Variants in BTBD3 observed in about 807,000 individuals in gnomAD.
The protein encoded by BTBD3 is BTB/POZ domain-containing protein 3.
A neutral mutation model predicts 41.6 loss-of-function variants in BTBD3; 14 were observed. That is an observed-to-expected ratio of 0.34 (90% CI 0.22 to 0.53). The LOEUF (loss-of-function observed/expected upper bound fraction) is 0.53. Ranked by LOEUF, BTBD3 falls within the 20% of genes least tolerant of loss-of-function variation. BTBD3 has a pLI of 0.95. For missense variants in BTBD3, 426 were observed against 654.7 expected (o/e 0.65, Z 3.81); for synonymous variants, 249 against 233.7 (o/e 1.07, Z -0.60).
chr20:11,911,578 G>GAA (rs201482646), intron 1 of BTBD3, among the ~76,000 whole-genome samples: 3 of 151,578 alleles, frequency 2.0e-5, no homozygotes, highest in African/African-American at 7.3e-5. Context: ...AAAAATTGCA[G>GAA]AAAAAAAAAA....
intron 1 of BTBD3, among the ~76,000 whole-genome samples, chr20:11,900,999 C>T (rs1024442954): frequency 6.6e-6 from 1 of 152,128 alleles, no homozygotes; most frequent in African/African-American, 2.4e-5. Context: ...GCTTGAGCCA[C>T]CGCACCCGGC....
At chr20:11,910,451 A>C (rs1369213583) in intron 1 of BTBD3, 1 of 152,164 alleles carries the variant, frequency 6.6e-6, no homozygotes, top group East Asian at 1.9e-4. Context: ...GGCCTTTTTG[A>C]AAGGGACCTC....
intron 1 of BTBD3, among the ~76,000 whole-genome samples, chr20:11,900,052 C>A (rs1169276629): frequency 6.6e-6 from 1 of 152,150 alleles, no homozygotes; most frequent in Non-Finnish European, 1.5e-5. Flanking sequence ...TTCTATGATG[C>A]TATATAAGTA....
intron 1 of BTBD3, among the ~76,000 whole-genome samples, chr20:11,899,016 T>A (rs2056807864): frequency 6.6e-6 from 1 of 152,228 alleles, no homozygotes; most frequent in South Asian, 2.1e-4. Context: ...CATACCTGGG[T>A]TCCCTGGTAA....
chr20:11,922,561 G>A (rs1278753276), intron 3 of BTBD3, 73 bp from the exon 4 acceptor site: 3 of 1,367,172 alleles, frequency 2.2e-6, no homozygotes, highest in Non-Finnish European at 3.0e-6. Context: ...AAACTTGAAA[G>A]TGGTTGTATC....
chr20:11,904,284 G>A (rs146624254), intron 1 of BTBD3, among the ~76,000 whole-genome samples: 4 of 152,240 alleles, frequency 2.6e-5, no homozygotes, highest in African/African-American at 7.2e-5. Flanking sequence ...ACATCTTCAC[G>A]CGCTGGCAGG....
chr20:11,903,612 AT>A (rs539240243), intron 1 of BTBD3, among the ~76,000 whole-genome samples: 88 of 147,002 alleles, frequency 6.0e-4, no homozygotes, highest in Middle Eastern at 3.5e-3. Context: ...ACTGTTCTTA[AT>A]TTTTTTTTTT....
upstream of BTBD3, among the ~76,000 whole-genome samples, chr20:11,916,411 A>G (rs543138187): frequency 1.3e-5 from 2 of 152,312 alleles, no homozygotes; most frequent in South Asian, 4.1e-4. Context: ...ATTTGGAGGT[A>G]TCTGTATGTG....
rs191362041 is a variant in BTBD3 at position 11,924,662 on chromosome 20, C to T, written c.*996C>T. On this transcript the variant is annotated 3_prime_UTR_variant, in exon 4 of 4. Coordinates refer to ENST00000378226, the MANE Select transcript of BTBD3 (RefSeq NM_014962.4). ...ATTCTTTATACAAATGGAGTAGCAACTAGTTTTGTAGCACTACATTTAATG... is the reference window on the plus strand; with the variant it reads ...ATTCTTTATACAAATGGAGTAGCAATTAGTTTTGTAGCACTACATTTAATG... 51 of 152,736 alleles carry T rather than the reference C, an allele frequency of 3.3e-4. No homozygotes were observed. The highest frequency in any genetic ancestry group is 1.2e-3 in the African/African-American group (49 of 41,568). The allele number at this position is 152,736 out of a possible 1,614,324, so 9.5% of individuals were successfully genotyped here. A position where few individuals can be genotyped will look rare whatever the true frequency, so the allele number is the denominator to read the frequency against.
chr20:11,902,182 T>G (rs1036065698), intron 1 of BTBD3, among the ~76,000 whole-genome samples: 1 of 152,238 alleles, frequency 6.6e-6, no homozygotes, highest in African/African-American at 2.4e-5. Flanking sequence ...TTGTGTGTCG[T>G]ATATATTATA....
In BTBD3 at chr20:11,922,785, T is replaced by C. The variant is rs2056982151; in HGVS notation, c.688T>C (p.Ser230Pro). The change falls in exon 4 of 4, where the codon TCC becomes CCC. Residue 230 changes from serine to proline, a missense_variant. By Grantham distance (74) the Ser-to-Pro change is moderately conservative (BLOSUM62 -1). This residue lies in a region of BTBD3 where 321 missense variants were observed against 534.8 expected (regional missense o/e 0.60). Coordinates refer to ENST00000378226, the MANE Select transcript of BTBD3 (RefSeq NM_014962.4). The stretch of plus-strand genomic sequence containing the variant: ...TGCCAAGAATGCCTGTGTGCTCCTC[T>C]CCCAGAGCTGCCTGTTCGAGGAGCC... ...LSAKNACVLL[S>P]QSCLFEEPDL... 1.9e-6 allele frequency: 3 copies of C among 1,614,082 alleles called. No homozygotes were observed. Among genetic ancestry groups the C allele is most frequent in the Admixed American group, 3.3e-5 (2 of 60,012 alleles).
chr20:11,920,332 C>T (rs1178616311), intron 3 of BTBD3, among the ~76,000 whole-genome samples: 1 of 152,106 alleles, frequency 6.6e-6, no homozygotes. Flanking sequence ...TCTTTGTGTA[C>T]ACATACATAT....
At chr20:11,918,801 G>A (rs1346888811) in intron 1 of BTBD3, 200 bp downstream of exon 1, 3 of 628,730 alleles carry the variant, frequency 4.8e-6, no homozygotes, top group Middle Eastern at 4.1e-4. Context: ...TTTGCAAGCT[G>A]TAACATTCAA....
rs1323962876 is a variant in BTBD3 at position 11,923,853 on chromosome 20, C to G, written c.*187C>G. On this transcript the variant is annotated 3_prime_UTR_variant, in exon 4 of 4. Coordinates refer to ENST00000378226, the MANE Select transcript of BTBD3 (RefSeq NM_014962.4). This position sits in a 1 kb window ranked among gnomAD's most constrained non-coding sequence, Gnocchi z 5.3. Reference sequence around the variant, plus strand: ...CAAAAATGCAGCATTCCGCTTTTAACTATCTGCTTAAAAGAGCTAACGTTC... The same window carrying G: ...CAAAAATGCAGCATTCCGCTTTTAAGTATCTGCTTAAAAGAGCTAACGTTC... 1.7e-6 allele frequency: 1 copy of G among 599,626 alleles called. No homozygotes were observed. The highest frequency in any genetic ancestry group is 2.9e-6 in the Non-Finnish European group (1 of 349,680). The allele number at this position is 599,626 out of a possible 1,614,324, so 37.1% of individuals were successfully genotyped here.
intron 1 of BTBD3, among the ~76,000 whole-genome samples, chr20:11,896,741 T>C (rs1437996005): frequency 6.6e-6 from 1 of 152,250 alleles, no homozygotes; most frequent in Non-Finnish European, 1.5e-5. Flanking sequence ...TATCTGCTGG[T>C]ATTTCTGAAG....
chr20:11,907,149 G>A (rs146631719), intron 1 of BTBD3, among the ~76,000 whole-genome samples: 1 of 152,244 alleles, frequency 6.6e-6, no homozygotes, highest in African/African-American at 2.4e-5. Flanking sequence ...GTGAATATGT[G>A]TATTACATTA....
At chr20:11,893,552 T>A (rs2122154081) in intron 1 of BTBD3, among the ~76,000 whole-genome samples, 1 of 152,380 alleles carries the variant, frequency 6.6e-6, no homozygotes, top group South Asian at 2.1e-4. Context: ...TTAGTATCTC[T>A]TTCAGCATAG....
intron 1 of BTBD3, among the ~76,000 whole-genome samples, chr20:11,896,331 G>A (rs933014728): frequency 8.5e-5 from 13 of 152,122 alleles, no homozygotes; most frequent in African/African-American, 3.1e-4. Flanking sequence ...TGATTTTGGT[G>A]TATTTATTTT....
chr20:11,923,736 C>T lies in BTBD3; in HGVS notation c.*70C>T. The T allele has an allele frequency of 7.2e-7, 1 of 1,395,172 alleles. No individual in the cohort carries two copies. The highest frequency in any genetic ancestry group is 9.8e-7 in the Non-Finnish European group (1 of 1,022,072). The allele number at this position is 1,395,172 out of a possible 1,614,324, so 86.4% of individuals were successfully genotyped here. Reference sequence around the variant, plus strand: ...GTTCCAACTTGCCTGATGCTTAGCTCATCTGCAAATATGTGATCAGTGCCG... The same window carrying T: ...GTTCCAACTTGCCTGATGCTTAGCTTATCTGCAAATATGTGATCAGTGCCG... On this transcript the variant is annotated 3_prime_UTR_variant, in exon 4 of 4. Coordinates refer to ENST00000378226, the MANE Select transcript of BTBD3 (RefSeq NM_014962.4). The surrounding 1 kb of genome is among the most constrained non-coding windows in gnomAD (Gnocchi z 5.3).
Sources: allele counts gnomAD v4.1 joint callset (sites outside exome capture counted in the v4.1 genomes callset), GRCh38; gene constraint gnomAD v4.1.1; regional missense constraint gnomAD v4.1.1; non-coding constraint Gnocchi (gnomAD v3.1); transcripts MANE v1.5; gene names NCBI Gene and HGNC (gene_info 2026-07-23, HGNC 2026-07-21).